The following BRIP1 variants were observed in gnomAD, a reference collection of about 807,000 sequenced individuals.
BRIP1 encodes Fanconi anemia group J protein.
In BRIP1, 88 loss-of-function variants were observed where a neutral mutation model predicts 119.7. That is an observed-to-expected ratio of 0.74 (90% CI 0.62 to 0.88). The LOEUF (loss-of-function observed/expected upper bound fraction) is 0.88. Among genes scored for constraint, BRIP1 ranks in the 40% least tolerant of loss-of-function variants. The probability of loss-of-function intolerance (pLI) is 0.00; values close to 1 mark genes in which losing one functional copy is unlikely to be tolerated. For missense variants in BRIP1, 1,259 were observed against 1,455.4 expected (o/e 0.87, Z 2.20); for synonymous variants, 443 against 496.5 (o/e 0.89, Z 1.43).
rs2077934018 is a variant in BRIP1, at chr17:61,798,344, A to G, written c.1340+756T>C. ...TTTGGAAAATAGTGAGGGACAAGAAAATATATCTAATATTGGTTCATAAAT... is the reference window on the plus strand; with the variant it reads ...TTTGGAAAATAGTGAGGGACAAGAAGATATATCTAATATTGGTTCATAAAT... On this transcript the variant is annotated intron_variant, in intron 9 of 19. Transcript: ENST00000259008. The surrounding 1 kb of genome is among the most constrained non-coding windows in gnomAD (Gnocchi z 5.5). Among the ~76,000 whole-genome samples, 1 of 152,014 alleles carries G rather than the reference A, an allele frequency of 6.6e-6. No individual in the cohort carries two copies. Among genetic ancestry groups the G allele is most frequent in the East Asian group, 1.9e-4 (1 of 5,198 alleles).
Position 61,780,509 on chromosome 17 carries a change from C to T in BRIP1, c.1795-108G>A, listed in dbSNP as rs2077600930. ...TTGGGAGGCTGAAGCAGGAAGATCG[C>T]TTGAGTCTAGGAGTCTGAGACCAGC... On this transcript the variant is annotated intron_variant, in intron 12 of 19. Transcript: ENST00000259008. This position sits in a 1 kb window ranked among gnomAD's most constrained non-coding sequence, Gnocchi z 5.4. 1 of 1,040,590 alleles carries T rather than the reference C, an allele frequency of 9.6e-7. No individual in the cohort carries two copies. Among genetic ancestry groups the T allele is most frequent in the Non-Finnish European group, 1.5e-6 (1 of 673,250 alleles). The allele number at this position is 1,040,590 out of a possible 1,614,324, so 64.5% of individuals were successfully genotyped here.
In BRIP1 at chr17:61,806,188, T is replaced by G. The variant is rs560408838; in HGVS notation, c.918+2279A>C. Among the ~76,000 whole-genome samples, 108 of 152,314 alleles carry G rather than the reference T, an allele frequency of 7.1e-4. 1 individual carries two copies. The highest frequency in any genetic ancestry group is 2.4e-3 in the African/African-American group (101 of 41,580). On this transcript the variant is annotated intron_variant, in intron 7 of 19. Coordinates refer to ENST00000259008, the MANE Select transcript of BRIP1 (RefSeq NM_032043.3). The surrounding 1 kb of genome is among the most constrained non-coding windows in gnomAD (Gnocchi z 4.9). ...AGTGTAACACAACCCTGAGGAAGTCTGTCAATTGAAGTGTTATCACACTTT... is the reference window on the plus strand; with the variant it reads ...AGTGTAACACAACCCTGAGGAAGTCGGTCAATTGAAGTGTTATCACACTTT...
rs1364305279 is a variant in BRIP1 at position 61,758,787 on chromosome 17, G to C, written c.2098-14196C>G. The stretch of plus-strand genomic sequence containing the variant: ...ATTGCTTGAGGCCAAAGGATTGCTT[G>C]AAGCCAGGAGTTTAAGACCAGTGTG... On this transcript the variant is annotated intron_variant, in intron 14 of 19. Coordinates refer to ENST00000259008, the MANE Select transcript of BRIP1 (RefSeq NM_032043.3). The surrounding 1 kb of genome is among the most constrained non-coding windows in gnomAD (Gnocchi z 5.3). Among the ~76,000 whole-genome samples the C allele has an allele frequency of 6.6e-6, 1 of 151,634 alleles. No homozygotes were observed. Among genetic ancestry groups the C allele is most frequent in the Non-Finnish European group, 1.5e-5 (1 of 67,942 alleles).
At position 61,778,343 on chromosome 17, in the gene BRIP1, TAGAG is replaced by T. The variant is rs2145052851; in HGVS notation, c.1936-1785_1936-1782del. On this transcript the variant is annotated intron_variant, in intron 13 of 19. Coordinates refer to ENST00000259008, the MANE Select transcript of BRIP1 (RefSeq NM_032043.3). The surrounding 1 kb of genome is among the most constrained non-coding windows in gnomAD (Gnocchi z 4.4). ...CCAGGAGCTGAGGAGAGGGGGAGAA[TAGAG>T]AGCTGTTGTTTAATGGGAACAGAGT... Among the ~76,000 whole-genome samples the T allele has an allele frequency of 6.6e-6, 1 of 152,146 alleles. No individual in the cohort carries two copies. The highest frequency in any genetic ancestry group is 2.1e-4 in the South Asian group (1 of 4,814).
At position 61,739,531 on chromosome 17, in the gene BRIP1, C is replaced by A; in HGVS notation, c.2379+3482G>T. 5.7e-6 allele frequency: 1 copy of A among 176,674 alleles called. No homozygotes were observed. 10.9% of individuals were successfully genotyped at this position (176,674 alleles called of 1,614,324 possible). ...AAATTTTGAAGAGGTCCAGAGGTTA[C>A]GGAAGAGTAAGGGCTACCAAAAGAA... On this transcript the variant is annotated intron_variant, in intron 16 of 19. Transcript: ENST00000259008. The surrounding 1 kb of genome is among the most constrained non-coding windows in gnomAD (Gnocchi z 6.0).
chr17:61,697,010 G>A (rs2061534900), intron 17 of BRIP1, among the ~76,000 whole-genome samples: 1 of 147,758 alleles, frequency 6.8e-6, no homozygotes, highest in Non-Finnish European at 1.5e-5. Context: ...AAAAGGGGGG[G>A]GGAAGTGTTT....
rs8077553 is a variant in BRIP1 at position 61,679,296 on chromosome 17, A to G, written c.*4000T>C. Among the ~76,000 whole-genome samples, 5,019 of 152,310 alleles carry G rather than the reference A, an allele frequency of 0.033. 318 individuals are homozygous for G. Among genetic ancestry groups the G allele is most frequent in the African/African-American group, 0.11 (4,761 of 41,554 alleles). ...TAGAAACAGTGCCAAATTTAAACCC[A>G]TGTAATAACTAAGTGCATAGAAACA... On this transcript the variant is annotated 3_prime_UTR_variant, in exon 20 of 20. Transcript: ENST00000259008. This position sits in a 1 kb window ranked among gnomAD's most constrained non-coding sequence, Gnocchi z 4.4.
Position 61,853,632 on chromosome 17 carries a change from T to G in BRIP1, c.379+3426A>C, listed in dbSNP as rs2078854236. ...ATTGTTGATAAAGACACAAAGGCAA[T>G]GTAGTGGATAAAGGATAGCCTTTTC... On this transcript the variant is annotated intron_variant, in intron 4 of 19. Transcript: ENST00000259008. The surrounding 1 kb of genome is among the most constrained non-coding windows in gnomAD (Gnocchi z 4.3). Among the ~76,000 whole-genome samples the G allele has an allele frequency of 6.6e-6, 1 of 152,226 alleles. No individual in the cohort carries two copies. Among genetic ancestry groups the G allele is most frequent in the South Asian group, 2.1e-4 (1 of 4,828 alleles).
chr17:61,703,120 A>G lies in BRIP1; in HGVS notation c.2493-9608T>C, dbSNP rs927138378. On this transcript the variant is annotated intron_variant, in intron 17 of 19. Coordinates refer to ENST00000259008, the MANE Select transcript of BRIP1 (RefSeq NM_032043.3). This position sits in a 1 kb window ranked among gnomAD's most constrained non-coding sequence, Gnocchi z 5.0. Reference sequence around the variant, plus strand: ...CACTCTATTGCCCAGGCTGAAGTGCAGTGGCACAATCCCAACTCACTGCAA... The same window carrying G: ...CACTCTATTGCCCAGGCTGAAGTGCGGTGGCACAATCCCAACTCACTGCAA... 6.6e-6 allele frequency among the ~76,000 whole-genome samples: 1 copy of G among 152,096 alleles called. No homozygotes were observed. Among genetic ancestry groups the G allele is most frequent in the African/African-American group, 2.4e-5 (1 of 41,416 alleles).
In BRIP1 at chr17:61,746,197, A is replaced by G. The variant is rs184453264; in HGVS notation, c.2098-1606T>C. 6.6e-6 allele frequency among the ~76,000 whole-genome samples: 1 copy of G among 152,312 alleles called. No homozygotes were observed. The highest frequency in any genetic ancestry group is 1.9e-4 in the East Asian group (1 of 5,188). ...AGTTAACTGCTGTACAATATGCTTTAATTAAATAGGAAGAACTACTTTAAT... is the reference window on the plus strand; with the variant it reads ...AGTTAACTGCTGTACAATATGCTTTGATTAAATAGGAAGAACTACTTTAAT... On this transcript the variant is annotated intron_variant, in intron 14 of 19. Transcript: ENST00000259008. This position sits in a 1 kb window ranked among gnomAD's most constrained non-coding sequence, Gnocchi z 4.9.
rs2077858928 is a variant in BRIP1, at chr17:61,793,804, T to C, written c.1341-75A>G. On this transcript the variant is annotated intron_variant, in intron 9 of 19. Coordinates refer to ENST00000259008, the MANE Select transcript of BRIP1 (RefSeq NM_032043.3). This position sits in a 1 kb window ranked among gnomAD's most constrained non-coding sequence, Gnocchi z 5.2. ...CTATTTCAGCAGAACAAGAGAATCATCATTATTGTCATGCGTTGATCTGTA... is the reference window on the plus strand; with the variant it reads ...CTATTTCAGCAGAACAAGAGAATCACCATTATTGTCATGCGTTGATCTGTA... 2 of 1,443,708 alleles carry C rather than the reference T, an allele frequency of 1.4e-6. No homozygotes were observed. Among genetic ancestry groups the C allele is most frequent in the Middle Eastern group, 1.8e-4 (1 of 5,664 alleles). 89.4% of individuals were successfully genotyped at this position (1,443,708 alleles called of 1,614,324 possible). A position where few individuals can be genotyped will look rare whatever the true frequency, so the allele number is the denominator to read the frequency against.
At chr17:61,764,190 T>C (rs2077318212) in intron 14 of BRIP1, among the ~76,000 whole-genome samples, 1 of 152,190 alleles carries the variant, frequency 6.6e-6, no homozygotes, top group Non-Finnish European at 1.5e-5. Context: ...GTGCATCTGT[T>C]GGGTCCCCTT....
Position 61,784,342 on chromosome 17 carries a change from A to G in BRIP1, c.1556T>C (p.Ile519Thr), listed in dbSNP as rs1555603538. 2 of 1,613,180 alleles carry G rather than the reference A, an allele frequency of 1.2e-6. No homozygotes were observed. Among genetic ancestry groups the G allele is most frequent in the Non-Finnish European group, 1.7e-6 (2 of 1,179,216 alleles). The stretch of plus-strand genomic sequence containing the variant: ...AAGCATTATTTGAGTTGATGCACTA[A>G]TAACAGGTACTTCTCTTGCCTCCTC... ...GKEEAREVPV[I>T]SASTQIMLKG... is the part of the protein sequence containing the mutation. The change falls in exon 11 of 20, where the codon ATT becomes ACT. Residue 519 changes from isoleucine to threonine, a missense_variant. Physicochemically the swap from Ile to Thr is moderately conservative, Grantham distance 89 (BLOSUM62 -1). This residue lies in a region of BRIP1 where 753 missense variants were observed against 891.8 expected (regional missense o/e 0.84). Transcript: ENST00000259008.
chr17:61,811,789 T>C (rs2078166071), intron 6 of BRIP1, among the ~76,000 whole-genome samples: 1 of 151,328 alleles, frequency 6.6e-6, no homozygotes, highest in Middle Eastern at 3.4e-3. Context: ...CTGTCTCTAC[T>C]GAAAAAACAA....
chr17:61,750,765 A>G (rs866656083), intron 14 of BRIP1, among the ~76,000 whole-genome samples: 9 of 152,110 alleles, frequency 5.9e-5, no homozygotes, highest in African/African-American at 1.9e-4. Context: ...CTTAGTCATT[A>G]GGAAACTGCA....
chr17:61,707,142 T>C (rs1009190454), intron 17 of BRIP1, among the ~76,000 whole-genome samples: 1 of 152,202 alleles, frequency 6.6e-6, no homozygotes, highest in African/African-American at 2.4e-5. Context: ...TTTTGTCTTA[T>C]AGTTTATTGA....
intron 10 of BRIP1, among the ~76,000 whole-genome samples, chr17:61,790,027 C>G (rs982459598): frequency 1.3e-5 from 2 of 152,060 alleles, no homozygotes; most frequent in African/African-American, 4.8e-5. Context: ...ACACACCTCC[C>G]CATGTAACTA....
intron 11 of BRIP1, among the ~76,000 whole-genome samples, chr17:61,782,116 T>G (rs561670710): frequency 6.6e-6 from 1 of 151,892 alleles, no homozygotes; most frequent in South Asian, 2.1e-4. Context: ...CCGGGTGCGA[T>G]GGCTCACGCC....
At chr17:61,782,889 T>A (rs937851065) in intron 11 of BRIP1, among the ~76,000 whole-genome samples, 1 of 152,242 alleles carries the variant, frequency 6.6e-6, no homozygotes, top group Non-Finnish European at 1.5e-5. Flanking sequence ...TATATGCTGC[T>A]ACATAAACTG....
Sources: gnomAD v4.1 joint callset for allele counts (sites outside exome capture counted in the v4.1 genomes callset) on GRCh38, gnomAD v4.1.1 for gene constraint, gnomAD v4.1.1 regional missense constraint, Gnocchi (gnomAD v3.1) non-coding constraint, MANE v1.5 for transcripts, NCBI Gene and HGNC (gene_info 2026-07-23, HGNC 2026-07-21) for gene names.